Variants in UCHL3 observed in about 807,000 individuals in gnomAD.
The protein encoded by UCHL3 is ubiquitin C-terminal hydrolase L3.
Under a neutral mutation model 35.8 loss-of-function variants are expected in UCHL3, and 22 were observed. The ratio of observed to expected loss-of-function variants is 0.61; its 90% CI spans 0.44 to 0.88. The LOEUF (loss-of-function observed/expected upper bound fraction) is 0.88, where lower values mean the gene tolerates loss of function less well. Among genes scored for constraint, UCHL3 ranks in the 40% least tolerant of loss-of-function variants. UCHL3 has a pLI of 0.00. For missense variants in UCHL3, 229 were observed against 276.9 expected, an observed-to-expected ratio of 0.83 and a Z score of 1.23; for synonymous variants, 90 against 92.8, an observed-to-expected ratio of 0.97 and a Z score of 0.17.
At chr13:75,605,603 T>C in intron 8 of UCHL3, 126 bp from the exon 9 acceptor site, 1 of 907,578 alleles carries the variant, frequency 1.1e-6, no homozygotes, top group South Asian at 1.7e-5. Context: ...GTGTTCTTTA[T>C]TTCTCATTTG....
At chr13:75,590,072 C>T (rs940835678) in intron 6 of UCHL3, 3 of 1,304,350 alleles carry the variant, frequency 2.3e-6, no homozygotes, top group African/African-American at 3.0e-5. Flanking sequence ...GTCCATCTCT[C>T]CGTCTTCGTC....
intron 7 of UCHL3, among the ~76,000 whole-genome samples, chr13:75,602,943 C>T (rs1325584655): frequency 2.6e-5 from 4 of 151,974 alleles, no homozygotes; most frequent in Non-Finnish European, 1.5e-5. Context: ...CAGCTGCATT[C>T]AAAGGAAAAT....
chr13:75,570,527 C>T (rs940101953), intron 6 of UCHL3, among the ~76,000 whole-genome samples: 3 of 152,064 alleles, frequency 2.0e-5, no homozygotes, highest in Non-Finnish European at 2.9e-5. Context: ...TGAGCCACCT[C>T]GCCCAGCCGA....
At chr13:75,605,591 T>C in intron 8 of UCHL3, 138 bp from the exon 9 acceptor site, 1 of 789,860 alleles carries the variant, frequency 1.3e-6, no homozygotes. Context: ...TTCACTTTTC[T>C]GGTGTTCTTT....
At chr13:75,601,607 A>G (rs145119334) in intron 7 of UCHL3, among the ~76,000 whole-genome samples, 4 of 152,340 alleles carry the variant, frequency 2.6e-5, no homozygotes, top group South Asian at 2.1e-4. Flanking sequence ...ATGCTAATGT[A>G]TACCTAATAG....
chr13:75,583,009 A>AATTATACAGTTGGAT (rs2032227038), intron 6 of UCHL3, among the ~76,000 whole-genome samples: 1 of 152,216 alleles, frequency 6.6e-6, no homozygotes, highest in Admixed American at 6.5e-5. Flanking sequence ...TATCTCTGGA[A>AATTATACAGTTGGAT]ATTATACAGT....
At chr13:75,590,112 T>A in intron 6 of UCHL3, 2 of 1,304,072 alleles carry the variant, frequency 1.5e-6, no homozygotes, top group Non-Finnish European at 2.0e-6. Context: ...TCTACCATCT[T>A]TGGGTCTCCA....
At chr13:75,594,230 ATTGT>A (rs8192758) in intron 6 of UCHL3, among the ~76,000 whole-genome samples, 18,714 of 152,122 alleles carry the variant, frequency 0.12, 1,434 homozygotes, top group Middle Eastern at 0.29. Flanking sequence ...TTAATTTCAA[ATTGT>A]TTGTTAAGCA....
chr13:75,576,900 A>G (rs2032039761), intron 6 of UCHL3, among the ~76,000 whole-genome samples: 1 of 152,228 alleles, frequency 6.6e-6, no homozygotes, highest in Non-Finnish European at 1.5e-5. Context: ...GAATGTATAC[A>G]GTTGGCCCGC....
At chr13:75,566,926 CT>C in intron 4 of UCHL3, 75 bp downstream of exon 4, 1 of 1,441,248 alleles carries the variant, frequency 6.9e-7, no homozygotes, top group Non-Finnish European at 9.3e-7. Flanking sequence ...AGGTGGTGCT[CT>C]AATTCTTTCT....
chr13:75,561,162 G>T (rs780005105), intron 3 of UCHL3, among the ~76,000 whole-genome samples: 1 of 152,060 alleles, frequency 6.6e-6, no homozygotes, highest in African/African-American at 2.4e-5. Flanking sequence ...CTCCAACTCG[G>T]GCTCAAGTGA....
chr13:75,594,632 T>G (rs1159961740), intron 6 of UCHL3, among the ~76,000 whole-genome samples: 2 of 152,228 alleles, frequency 1.3e-5, no homozygotes, highest in African/African-American at 2.4e-5. Flanking sequence ...GGCATTGTGC[T>G]AAGTGCTGAG....
intron 6 of UCHL3, among the ~76,000 whole-genome samples, chr13:75,584,282 T>G (rs2032263756): frequency 1.3e-5 from 2 of 151,938 alleles, no homozygotes; most frequent in African/African-American, 4.8e-5. Context: ...CTCAAATGTG[T>G]GGGGATGGGT....
chr13:75,567,821 T>G (rs1233239789), intron 5 of UCHL3, among the ~76,000 whole-genome samples: 1 of 152,116 alleles, frequency 6.6e-6, no homozygotes, highest in Admixed American at 6.6e-5. Flanking sequence ...GTGCTGGGAT[T>G]ACAAACATGA....
In UCHL3 at chr13:75,560,892, T is replaced by A. The variant is rs4884008; in HGVS notation, c.183+11T>A. 0.66 allele frequency: 983,911 copies of A among 1,492,000 alleles called. 331,173 individuals are homozygous for A. The highest frequency in any genetic ancestry group is 0.69 in the Non-Finnish European group (778,105 of 1,127,162). The allele number at this position is 1,492,000 out of a possible 1,614,324, so 92.4% of individuals were successfully genotyped here. A position where few individuals can be genotyped will look rare whatever the true frequency, so the allele number is the denominator to read the frequency against. On this transcript the variant is annotated intron_variant, in intron 3 of 8. Transcript: ENST00000377595. ...CCTATTACAGAAAAGGTAATTGTTATGTAAAATAGAAAGTTTCTGGTAAAT... is the reference window on the plus strand; with the variant it reads ...CCTATTACAGAAAAGGTAATTGTTAAGTAAAATAGAAAGTTTCTGGTAAAT...
At chr13:75,593,542 C>G (rs375929710) in intron 6 of UCHL3, among the ~76,000 whole-genome samples, 1 of 152,196 alleles carries the variant, frequency 6.6e-6, no homozygotes, top group South Asian at 2.1e-4. Flanking sequence ...CAAAACCTAG[C>G]GGAGGAGCCT....
chr13:75,573,296 C>G (rs2031920212), intron 6 of UCHL3, among the ~76,000 whole-genome samples: 1 of 150,660 alleles, frequency 6.6e-6, no homozygotes, highest in African/African-American at 2.4e-5. Flanking sequence ...ATTCATCTCT[C>G]ATCTATGGGC....
At chr13:75,557,825 A>T (rs1405910716) in intron 2 of UCHL3, among the ~76,000 whole-genome samples, 1 of 152,008 alleles carries the variant, frequency 6.6e-6, no homozygotes, top group African/African-American at 2.4e-5. Flanking sequence ...ACTAGAAAAT[A>T]GAAAGGTGGA....
intron 6 of UCHL3, among the ~76,000 whole-genome samples, chr13:75,588,158 T>G (rs1351504814): frequency 2.0e-5 from 3 of 152,166 alleles, no homozygotes. Context: ...AAACATGTCT[T>G]CCTTATTTCT....
Sources: gnomAD v4.1 joint callset for allele counts (sites outside exome capture counted in the v4.1 genomes callset) on GRCh38, gnomAD v4.1.1 for gene constraint, MANE v1.5 for transcripts, NCBI Gene and HGNC (gene_info 2026-07-23, HGNC 2026-07-21) for gene names.